Variants in TMEM163 observed in about 807,000 individuals in gnomAD.
TMEM163 encodes the protein transmembrane protein 163.
In TMEM163, 17 loss-of-function variants were observed where a neutral mutation model predicts 29.3. The ratio of observed to expected loss-of-function variants is 0.58; its 90% CI spans 0.40 to 0.87. The LOEUF is 0.87. TMEM163 is among the 40% of genes least tolerant of loss of function. TMEM163 has a pLI of 0.00. For missense variants in TMEM163, 303 were observed against 381.5 expected (o/e 0.79, Z 1.71); for synonymous variants, 157 against 160.6 (o/e 0.98, Z 0.17).
chr2:134,522,874 C>T (rs1574204074), intron 4 of TMEM163, among the ~76,000 whole-genome samples: 2 of 152,232 alleles, frequency 1.3e-5, no homozygotes, highest in Non-Finnish European at 2.9e-5. Flanking sequence ...GGAAAAAGAT[C>T]GAATCCCTTG....
At chr2:134,531,545 T>C (rs76576048) in intron 4 of TMEM163, among the ~76,000 whole-genome samples, 1 of 152,178 alleles carries the variant, frequency 6.6e-6, no homozygotes, top group Non-Finnish European at 1.5e-5. Context: ...AGGGTTCCCA[T>C]GACCCATTCT....
chr2:134,594,272 CAG>C (rs994755181), intron 2 of TMEM163, among the ~76,000 whole-genome samples: 2 of 143,336 alleles, frequency 1.4e-5, no homozygotes, highest in African/African-American at 5.3e-5. Context: ...GAAGCGGGGA[CAG>C]AGAGAGGGGG....
chr2:134,710,467 A>G (rs1684901495), intron 2 of TMEM163, among the ~76,000 whole-genome samples: 1 of 152,118 alleles, frequency 6.6e-6, no homozygotes, highest in Non-Finnish European at 1.5e-5. Flanking sequence ...ACTCCAGCTG[A>G]CCCCAGGAGA....
chr2:134,700,626 C>T (rs1331486928), intron 2 of TMEM163, among the ~76,000 whole-genome samples: 7 of 152,048 alleles, frequency 4.6e-5, no homozygotes, highest in Admixed American at 1.3e-4. Context: ...CAGCCAGGCA[C>T]GGTGGCTCAT....
intron 2 of TMEM163, among the ~76,000 whole-genome samples, chr2:134,668,296 T>G (rs925676459): frequency 6.6e-6 from 1 of 152,052 alleles, no homozygotes; most frequent in African/African-American, 2.4e-5. Context: ...TGGCCACATA[T>G]CCCTCTCTCC....
At chr2:134,573,699 A>G (rs964635452) in intron 2 of TMEM163, among the ~76,000 whole-genome samples, 1 of 152,272 alleles carries the variant, frequency 6.6e-6, no homozygotes, top group Non-Finnish European at 1.5e-5. Context: ...TATAATAAAA[A>G]TGAGAAAACA....
intron 5 of TMEM163, among the ~76,000 whole-genome samples, chr2:134,498,449 G>A (rs1204707298): frequency 2.1e-5 from 3 of 143,166 alleles, no homozygotes; most frequent in Middle Eastern, 4.2e-3. Flanking sequence ...TCAGCCTCCC[G>A]AGTAGCTGGG....
At chr2:134,700,942 A>ATAAT (rs544740176) in intron 2 of TMEM163, among the ~76,000 whole-genome samples, 1,418 of 119,344 alleles carry the variant, frequency 0.012, 23 homozygotes, top group African/African-American at 0.038. Flanking sequence ...AAATAAATAA[A>ATAAT]TAAATAAAGT....
chr2:134,463,471 C>T (rs1686596485), intron 6 of TMEM163, among the ~76,000 whole-genome samples: 1 of 152,238 alleles, frequency 6.6e-6, no homozygotes, highest in Admixed American at 6.5e-5. Context: ...CAAGGAAGGC[C>T]ATGCAGATGA....
chr2:134,645,926 A>G (rs1171441554), intron 2 of TMEM163, among the ~76,000 whole-genome samples: 1 of 152,200 alleles, frequency 6.6e-6, no homozygotes, highest in Non-Finnish European at 1.5e-5. Flanking sequence ...TGTATACACT[A>G]AAAAACAAAG....
chr2:134,702,079 G>C (rs1362447642), intron 2 of TMEM163, among the ~76,000 whole-genome samples: 1 of 152,078 alleles, frequency 6.6e-6, no homozygotes, highest in Non-Finnish European at 1.5e-5. Context: ...AGAAGGATCT[G>C]AAAGTTTAAA....
intron 1 of TMEM163, among the ~76,000 whole-genome samples, chr2:134,715,982 A>T (rs1685029886): frequency 6.6e-6 from 1 of 152,330 alleles, no homozygotes; most frequent in East Asian, 1.9e-4. Flanking sequence ...GAAAGGTACA[A>T]ATACATATGG....
chr2:134,488,408 T>A (rs1355134302), intron 5 of TMEM163, among the ~76,000 whole-genome samples: 5 of 152,204 alleles, frequency 3.3e-5, no homozygotes, highest in Non-Finnish European at 4.4e-5. Flanking sequence ...TCTTCCAGCC[T>A]TCATCTTTCT....
At chr2:134,481,930 C>T (rs547535052) in intron 5 of TMEM163, among the ~76,000 whole-genome samples, 17 of 152,286 alleles carry the variant, frequency 1.1e-4, no homozygotes, top group Middle Eastern at 3.4e-3. Context: ...TCCACCTCCT[C>T]CAACGTGCTC....
chr2:134,456,780 CA>C lies in TMEM163; in HGVS notation c.810-5del. The stretch of plus-strand genomic sequence containing the variant: ...CGGCACCATGTCGATGAGGAGTCTG[CA>C]AAGACGAAGACAGACAAGGTCACCT... On this transcript the variant is annotated splice_region_variant and splice_polypyrimidine_tract_variant and intron_variant, in intron 7 of 7. Coordinates refer to ENST00000281924, the MANE Select transcript of TMEM163 (RefSeq NM_030923.5). 1 of 1,613,312 alleles carries C rather than the reference CA, an allele frequency of 6.2e-7. No individual in the cohort carries two copies. The highest frequency in any genetic ancestry group is 8.5e-7 in the Non-Finnish European group (1 of 1,179,750).
chr2:134,656,240 T>G lies in TMEM163; in HGVS notation c.322+56960A>C, dbSNP rs949969888. Among the ~76,000 whole-genome samples, 28 of 149,990 alleles carry G rather than the reference T, an allele frequency of 1.9e-4. 1 individual carries two copies. The highest frequency in any genetic ancestry group is 6.8e-4 in the African/African-American group (27 of 39,770). On this transcript the variant is annotated intron_variant, in intron 2 of 7. Coordinates refer to ENST00000281924, the MANE Select transcript of TMEM163 (RefSeq NM_030923.5). ...GACCCTCCGAGCCAGGTGTGGGATA[T>G]AATCTCATGGTTCGCCGCTTTTTAA... is the stretch of plus-strand genomic sequence containing the variant.
intron 2 of TMEM163, among the ~76,000 whole-genome samples, chr2:134,666,732 A>G (rs909238374): frequency 1.3e-5 from 2 of 152,068 alleles, no homozygotes; most frequent in African/African-American, 4.8e-5. Flanking sequence ...CCAGCAATTT[A>G]CTCCAGTTTC....
intron 4 of TMEM163, among the ~76,000 whole-genome samples, chr2:134,514,357 T>C (rs1680009777): frequency 6.8e-6 from 1 of 147,230 alleles, no homozygotes; most frequent in African/African-American, 2.5e-5. Context: ...GGGCCACACA[T>C]AAAATACACT....
In TMEM163 at chr2:134,466,325, TAGTC is replaced by T. The variant is rs765590482; in HGVS notation, c.556-104_556-101del. 376 of 936,876 alleles carry T rather than the reference TAGTC, an allele frequency of 4.0e-4. 1 individual carries two copies. Among genetic ancestry groups the T allele is most frequent in the African/African-American group, 7.4e-4 (46 of 61,938 alleles). The allele number at this position is 936,876 out of a possible 1,614,324, so 58.0% of individuals were successfully genotyped here. A position where few individuals can be genotyped will look rare whatever the true frequency, so the allele number is the denominator to read the frequency against. On this transcript the variant is annotated intron_variant, in intron 5 of 7. Coordinates refer to ENST00000281924, the MANE Select transcript of TMEM163 (RefSeq NM_030923.5). ...AGATCAGCCTTGTTCCAAGTACAAATAGTCAGGTGTGCTGCCACCAGGTGGGGGT... is the reference window on the plus strand; with the variant it reads ...AGATCAGCCTTGTTCCAAGTACAAATAGGTGTGCTGCCACCAGGTGGGGGT...
Sources: allele counts gnomAD v4.1 joint callset (sites outside exome capture counted in the v4.1 genomes callset), GRCh38; gene constraint gnomAD v4.1.1; transcripts MANE v1.5; gene names NCBI Gene and HGNC (gene_info 2026-07-23, HGNC 2026-07-21).